Variants in ROBO2 observed in about 807,000 individuals in gnomAD.
ROBO2 encodes the protein roundabout homolog 2.
A neutral mutation model predicts 160.8 loss-of-function variants in ROBO2; 53 were observed. The observed-to-expected ratio is 0.33, with a 90% CI of 0.26 to 0.41. ROBO2 has a LOEUF of 0.41. Ranked by LOEUF, ROBO2 falls within the 10% of genes least tolerant of loss-of-function variation. The probability of loss-of-function intolerance (pLI) is 1.00; values close to 1 mark genes in which losing one functional copy is unlikely to be tolerated. For synonymous variants in ROBO2, 664 were observed against 611.7 expected (o/e 1.09, Z -1.26); for missense variants, 1,577 against 1,722.4 (o/e 0.92, Z 1.49).
At chr3:76,511,383 G>A (rs1027384769) in intron 2 of ROBO2, among the ~76,000 whole-genome samples, 2 of 152,102 alleles carry the variant, frequency 1.3e-5, no homozygotes, top group African/African-American at 4.8e-5. Context: ...TGTGCTCACC[G>A]CAGCGACTGG....
At chr3:77,026,201 AG>A (rs1329366695) in intron 2 of ROBO2, among the ~76,000 whole-genome samples, 1 of 152,192 alleles carries the variant, frequency 6.6e-6, no homozygotes, top group Non-Finnish European at 1.5e-5. Context: ...CTTAATATCT[AG>A]GGATAAATTT....
At chr3:77,434,288 T>A (rs1350553830) in intron 2 of ROBO2, among the ~76,000 whole-genome samples, 1 of 152,096 alleles carries the variant, frequency 6.6e-6, no homozygotes, top group South Asian at 2.1e-4. Flanking sequence ...ATGATTTTTT[T>A]AAGAATGATC....
At chr3:76,097,998 A>G (rs1240816541) in intron 2 of ROBO2, among the ~76,000 whole-genome samples, 2 of 151,256 alleles carry the variant, frequency 1.3e-5, no homozygotes, top group Non-Finnish European at 2.9e-5. Flanking sequence ...CACCCTTGAA[A>G]TTCTCCATTT....
chr3:77,493,203 A>G (rs375556993), intron 4 of ROBO2, 41 bp from the exon 5 acceptor site: 28 of 1,604,150 alleles, frequency 1.7e-5, no homozygotes, highest in Non-Finnish European at 2.4e-5. Flanking sequence ...CATGCATAAT[A>G]GTTTATCTCA....
chr3:76,109,411 A>AGTG (rs2070112898), intron 2 of ROBO2, among the ~76,000 whole-genome samples: 1 of 152,026 alleles, frequency 6.6e-6, no homozygotes, highest in Non-Finnish European at 1.5e-5. Context: ...GTCAGGTACC[A>AGTG]CTACTACTAA....
rs575693142 is a variant in ROBO2, at chr3:76,462,460, G to A, written c.109+524858G>A. On this transcript the variant is annotated intron_variant, in intron 2 of 26. Coordinates refer to the ROBO2 transcript ENST00000487694. The stretch of plus-strand genomic sequence containing the variant: ...TAAAACAGATTATTCACAAAATAAT[G>A]TTGTGCCATTACCATCAGTGATGCA... Among the ~76,000 whole-genome samples, 14 of 152,230 alleles carry A rather than the reference G, an allele frequency of 9.2e-5. No homozygotes were observed. The Middle Eastern group carries it at 0.014, about 148-fold the overall frequency.
intron 2 of ROBO2, among the ~76,000 whole-genome samples, chr3:76,002,852 T>G (rs1576442800): frequency 6.6e-6 from 1 of 152,240 alleles, no homozygotes; most frequent in Non-Finnish European, 1.5e-5. Context: ...CATCATGATT[T>G]TAGACTTGTA....
At chr3:76,798,217 AAGAAAGAAAG>A (rs1311277331) in intron 2 of ROBO2, among the ~76,000 whole-genome samples, 4 of 149,350 alleles carry the variant, frequency 2.7e-5, no homozygotes, top group African/African-American at 9.9e-5. Context: ...GAAAGAGAAA[AAGAAAGAAAG>A]AGAAAGAAAG....
chr3:76,820,419 TCTC>T lies in ROBO2; in HGVS notation c.110-277592_110-277590del, dbSNP rs2066021185. On this transcript the variant is annotated intron_variant, in intron 2 of 26. Transcript: ENST00000487694. ...ATACAGTGGTGAAAACCCCTTTTGT[TCTC>T]CTATAAATTGCATTAGGTAATTTTA... Among the ~76,000 whole-genome samples, 2 of 152,046 alleles carry T rather than the reference TCTC, an allele frequency of 1.3e-5. 1 individual carries two copies. The highest frequency in any genetic ancestry group is 4.1e-4 in the South Asian group (2 of 4,828).
chr3:76,861,814 C>T (rs1192928431), intron 2 of ROBO2, among the ~76,000 whole-genome samples: 1 of 152,272 alleles, frequency 6.6e-6, no homozygotes, highest in African/African-American at 2.4e-5. Context: ...TCATCCAAGA[C>T]AGTAGTCACA....
intron 2 of ROBO2, among the ~76,000 whole-genome samples, chr3:77,200,042 T>G (rs2082684223): frequency 6.6e-6 from 1 of 151,306 alleles, no homozygotes; most frequent in East Asian, 2.0e-4. Flanking sequence ...AGCAGGATTT[T>G]ATTTATATAA....
intron 24 of ROBO2, among the ~76,000 whole-genome samples, chr3:77,638,224 C>T (rs1559781348): frequency 6.6e-6 from 1 of 152,130 alleles, no homozygotes; most frequent in South Asian, 2.1e-4. Context: ...ATGTAAAAAT[C>T]AAGTTGTTCT....
chr3:76,092,281 A>G (rs1264086261), intron 2 of ROBO2, among the ~76,000 whole-genome samples: 1 of 152,196 alleles, frequency 6.6e-6, no homozygotes, highest in East Asian at 1.9e-4. Flanking sequence ...TATATTTGAA[A>G]TTGTTAAAAT....
At chr3:77,082,989 A>G (rs2068838912) in intron 1 of ROBO2, among the ~76,000 whole-genome samples, 2 of 152,134 alleles carry the variant, frequency 1.3e-5, no homozygotes, top group Admixed American at 6.6e-5. Context: ...TATCTGAGGC[A>G]GTTGGCCCAT....
At chr3:76,987,233 A>G (rs1415172763) in intron 2 of ROBO2, among the ~76,000 whole-genome samples, 1 of 152,210 alleles carries the variant, frequency 6.6e-6, no homozygotes, top group Admixed American at 6.5e-5. Context: ...GGGTTTAGCT[A>G]GATAATATCT....
intron 2 of ROBO2, among the ~76,000 whole-genome samples, chr3:77,017,916 C>T (rs1388530649): frequency 6.6e-6 from 1 of 152,070 alleles, no homozygotes; most frequent in Non-Finnish European, 1.5e-5. Flanking sequence ...TGACCTTGAA[C>T]AGTAGGATGT....
chr3:76,756,692 A>G (rs2060989405), intron 2 of ROBO2, among the ~76,000 whole-genome samples: 1 of 151,836 alleles, frequency 6.6e-6, no homozygotes, highest in Non-Finnish European at 1.5e-5. Flanking sequence ...CCTACTGGAT[A>G]GCGGCCGGGA....
chr3:76,067,533 A>C (rs1235602838), intron 2 of ROBO2, among the ~76,000 whole-genome samples: 1 of 152,116 alleles, frequency 6.6e-6, no homozygotes, highest in Non-Finnish European at 1.5e-5. Context: ...GAAGAGCCAT[A>C]AATATATCAG....
At chr3:76,220,735 C>T (rs35261864) in intron 2 of ROBO2, among the ~76,000 whole-genome samples, 46,218 of 151,570 alleles carry the variant, frequency 0.3, 8,626 homozygotes, top group Non-Finnish European at 0.41. Flanking sequence ...AGAAAACAAA[C>T]ATATTTGATG....
Sources: gnomAD v4.1 joint callset for allele counts (sites outside exome capture counted in the v4.1 genomes callset) on GRCh38, gnomAD v4.1.1 for gene constraint, MANE v1.5 for transcripts, NCBI Gene and HGNC (gene_info 2026-07-23, HGNC 2026-07-21) for gene names.